The following MCOLN2 variants were observed in gnomAD, a reference collection of about 807,000 sequenced individuals.
The protein encoded by MCOLN2 is mucolipin TRP cation channel 2, also known as mucolipin-2.
A neutral mutation model predicts 67.5 loss-of-function variants in MCOLN2; 57 were observed. That is an observed-to-expected ratio of 0.84 (90% CI 0.68 to 1.05). MCOLN2 has a LOEUF of 1.05. Ranked by LOEUF, MCOLN2 falls within the 50% of genes least tolerant of loss-of-function variation. The probability of loss-of-function intolerance (pLI) is 0.00; values close to 1 mark genes in which losing one functional copy is unlikely to be tolerated. For synonymous variants in MCOLN2, 246 were observed against 233.3 expected (o/e 1.05, Z -0.50); for missense variants, 620 against 678.8 (o/e 0.91, Z 0.96).
At chr1:84,988,149 T>C (rs1650712917) in intron 1 of MCOLN2, among the ~76,000 whole-genome samples, 1 of 152,198 alleles carries the variant, frequency 6.6e-6, no homozygotes, top group East Asian at 1.9e-4. Flanking sequence ...GTGGCCCAGC[T>C]GCAATCCTTA....
intron 9 of MCOLN2, 77 bp from the exon 10 acceptor site, chr1:84,938,159 C>T (rs1647543182): frequency 4.1e-6 from 4 of 977,908 alleles, no homozygotes; most frequent in Non-Finnish European, 6.0e-6. Flanking sequence ...TTACATTAAA[C>T]CAATTAATAA....
chr1:84,933,512 A>G (rs1647272484), intron 11 of MCOLN2, among the ~76,000 whole-genome samples: 1 of 152,238 alleles, frequency 6.6e-6, no homozygotes, highest in African/African-American at 2.4e-5. Context: ...TAACAGTAAA[A>G]CAGGCGATTG....
intron 2 of MCOLN2, among the ~76,000 whole-genome samples, chr1:84,963,747 T>A (rs568191537): frequency 6.6e-6 from 1 of 152,328 alleles, no homozygotes; most frequent in East Asian, 1.9e-4. Flanking sequence ...TCCCCCATGA[T>A]TGTAAGTTTC....
At chr1:84,937,492 G>T in intron 11 of MCOLN2, 3 of 656,046 alleles carry the variant, frequency 4.6e-6, no homozygotes, top group Non-Finnish European at 6.2e-6. Flanking sequence ...GATGATCACC[G>T]GGTAACCATG....
At position 84,965,586 on chromosome 1, in the gene MCOLN2, C is replaced by A. The variant is rs369781426; in HGVS notation, c.200G>T (p.Gly67Val). 2.9e-5 allele frequency: 47 copies of A among 1,613,890 alleles called. No individual in the cohort carries two copies. The Middle Eastern group carries it at 6.6e-4, about 23-fold the overall frequency. ...CATGACTATCTTCAAAATCTGCAAA[C>A]CCAGTTTCCACGGAATCTGGCGTCT... is the stretch of plus-strand genomic sequence containing the variant. Reference protein sequence around the residue: ...RARRQIPWKLGLQILKIVMVT... With the variant: ...RARRQIPWKLVLQILKIVMVT... The change falls in exon 2 of 14, where the codon GGT (glycine) becomes GTT (valine). Residue 67 changes from glycine (G) to valine (V), a missense_variant. Transcript: ENST00000370608.
chr1:84,990,463 C>G (rs1035265180), intron 1 of MCOLN2, among the ~76,000 whole-genome samples: 1 of 151,810 alleles, frequency 6.6e-6, no homozygotes, highest in Non-Finnish European at 1.5e-5. Flanking sequence ...AAGAATCAAA[C>G]TTCTATGGAT....
At chr1:84,948,835 G>A (rs927843871) in intron 6 of MCOLN2, among the ~76,000 whole-genome samples, 1 of 152,198 alleles carries the variant, frequency 6.6e-6, no homozygotes, top group Non-Finnish European at 1.5e-5. Flanking sequence ...ATCAAGCAAA[G>A]AAAAATGAAT....
At chr1:84,934,530 G>A (rs1460112593) in intron 11 of MCOLN2, among the ~76,000 whole-genome samples, 1 of 152,026 alleles carries the variant, frequency 6.6e-6, no homozygotes, top group Non-Finnish European at 1.5e-5. Context: ...TAGCTGAGGG[G>A]TACTTGGCTA....
At chr1:84,946,327 T>C (rs775806515) in intron 7 of MCOLN2, among the ~76,000 whole-genome samples, 14 of 152,198 alleles carry the variant, frequency 9.2e-5, no homozygotes, top group Admixed American at 2.0e-4. Flanking sequence ...CACGTCAGTC[T>C]CTCTCACTAA....
chr1:84,938,826 G>A (rs528323931), intron 9 of MCOLN2, among the ~76,000 whole-genome samples: 5 of 152,190 alleles, frequency 3.3e-5, no homozygotes, highest in Non-Finnish European at 7.3e-5. Context: ...TCCCAAAGTA[G>A]GCCCCAAGAG....
intron 1 of MCOLN2, among the ~76,000 whole-genome samples, chr1:84,982,059 T>C (rs1054569480): frequency 6.7e-6 from 1 of 148,290 alleles, no homozygotes; most frequent in Non-Finnish European, 1.5e-5. Context: ...ACACTCTAAA[T>C]GTTGTTAGCC....
Position 84,929,621 on chromosome 1 carries a change from CT to C in MCOLN2, c.1600del (p.Ser534ValfsTer29). ...TDLQEFLKEC[S>X]SKEEYQKESS... Reference sequence around the variant, plus strand: ...CTCTTTCTGATACTCTTCTTTGCTACTGCATTCCTTCAGGAATTCCTGCAAA... The same window carrying C: ...CTCTTTCTGATACTCTTCTTTGCTACGCATTCCTTCAGGAATTCCTGCAAA... On this transcript the variant is annotated frameshift_variant, in exon 13 of 14. Transcript: ENST00000370608. LOFTEE classifies it high-confidence loss of function. The C allele has an allele frequency of 6.2e-7, 1 of 1,613,866 alleles. No individual in the cohort carries two copies. Among genetic ancestry groups the C allele is most frequent in the Non-Finnish European group, 8.5e-7 (1 of 1,179,840 alleles).
At chr1:84,931,603 G>C (rs34793286) in intron 11 of MCOLN2, 35 bp from the exon 12 acceptor site, 456,901 of 1,550,822 alleles carry the variant, frequency 0.29, 70,247 homozygotes, top group East Asian at 0.35. Flanking sequence ...TTCTGAAATA[G>C]AGTATTCTAA....
intron 7 of MCOLN2, among the ~76,000 whole-genome samples, chr1:84,943,967 C>T (rs1429149671): frequency 6.6e-6 from 1 of 152,126 alleles, no homozygotes; most frequent in Admixed American, 6.5e-5. Flanking sequence ...CCCCTTGGAT[C>T]CATGGAATGG....
chr1:84,987,614 CTATA>C lies in MCOLN2; in HGVS notation c.77+9178_77+9181del, dbSNP rs1650670421. Among the ~76,000 whole-genome samples the C allele has an allele frequency of 2.2e-5, 2 of 91,490 alleles. 1 individual carries two copies. The highest frequency in any genetic ancestry group is 8.4e-5 in the African/African-American group (2 of 23,720). The allele number at this position is 91,490 out of a possible 152,430, so 60.0% of individuals were successfully genotyped here. A position where few individuals can be genotyped will look rare whatever the true frequency, so the allele number is the denominator to read the frequency against. ...CATATGTATATAGATGTATATCAAT[CTATA>C]TATACATATGTATATATGTATATAG... On this transcript the variant is annotated intron_variant, in intron 1 of 13. Coordinates refer to ENST00000370608, the MANE Select transcript of MCOLN2 (RefSeq NM_153259.4).
intron 1 of MCOLN2, among the ~76,000 whole-genome samples, chr1:84,976,552 T>C (rs1046694994): frequency 6.6e-6 from 1 of 152,058 alleles, no homozygotes; most frequent in Admixed American, 6.5e-5. Flanking sequence ...TGGATCACGA[T>C]GTCAGGAGTT....
chr1:84,977,152 T>C (rs1016344814), intron 1 of MCOLN2, among the ~76,000 whole-genome samples: 4 of 152,112 alleles, frequency 2.6e-5, no homozygotes, highest in Non-Finnish European at 4.4e-5. Context: ...TGTTTGTTTA[T>C]GCAAATAGGG....
At chr1:84,985,303 C>T (rs1477136181) in intron 1 of MCOLN2, among the ~76,000 whole-genome samples, 1 of 152,134 alleles carries the variant, frequency 6.6e-6, no homozygotes, top group Non-Finnish European at 1.5e-5. Flanking sequence ...ATACAGCTGA[C>T]CACTACCTCC....
At chr1:84,935,274 G>A (rs1245814004) in intron 11 of MCOLN2, among the ~76,000 whole-genome samples, 1 of 152,208 alleles carries the variant, frequency 6.6e-6, no homozygotes, top group Non-Finnish European at 1.5e-5. Context: ...CAACTGACTT[G>A]TACATTCAGT....
Sources: gnomAD v4.1 joint callset for allele counts (sites outside exome capture counted in the v4.1 genomes callset) on GRCh38, gnomAD v4.1.1 for gene constraint, MANE v1.5 for transcripts, NCBI Gene and HGNC (gene_info 2026-07-23, HGNC 2026-07-21) for gene names.